The following NYAP2 variants were observed in gnomAD, a reference collection of about 807,000 sequenced individuals.
The protein encoded by NYAP2 is neuronal tyrosine-phosphorylated phosphoinositide-3-kinase adapter 2.
Under a neutral mutation model 50.4 loss-of-function variants are expected in NYAP2, and 23 were observed. That is an observed-to-expected ratio of 0.46 (90% CI 0.33 to 0.65). The LOEUF (loss-of-function observed/expected upper bound fraction) is 0.65, where lower values mean the gene tolerates loss of function less well. NYAP2 is among the 30% of genes least tolerant of loss of function. The pLI is 0.02. For missense variants in NYAP2, 885 were observed against 861.0 expected (o/e 1.03, Z -0.35); for synonymous variants, 394 against 365.2 (o/e 1.08, Z -0.90).
chr2:225,658,104 A>G (rs1693857466), downstream of NYAP2, among the ~76,000 whole-genome samples: 1 of 152,196 alleles, frequency 6.6e-6, no homozygotes, highest in African/African-American at 2.4e-5. Flanking sequence ...ATTACACCAC[A>G]TGATGGAAAT....
intron 5 of NYAP2, among the ~76,000 whole-genome samples, chr2:225,583,574 AG>A (rs1197687903): frequency 6.6e-6 from 1 of 152,120 alleles, no homozygotes; most frequent in Non-Finnish European, 1.5e-5. Flanking sequence ...TTTAAAAAAA[AG>A]TACAAAATCT....
At chr2:225,575,653 C>G (rs1692157586) in intron 4 of NYAP2, among the ~76,000 whole-genome samples, 1 of 152,172 alleles carries the variant, frequency 6.6e-6, no homozygotes, top group South Asian at 2.1e-4. Flanking sequence ...AGATTTATGA[C>G]TTAGTGGCTT....
chr2:225,538,393 C>G (rs1691388629), intron 4 of NYAP2, among the ~76,000 whole-genome samples: 1 of 152,200 alleles, frequency 6.6e-6, no homozygotes, highest in Non-Finnish European at 1.5e-5. Context: ...TCCCAAACCC[C>G]AATTCTTGAC....
chr2:225,428,051 G>T (rs1277223948), intron 3 of NYAP2, among the ~76,000 whole-genome samples: 1 of 152,088 alleles, frequency 6.6e-6, no homozygotes, highest in Non-Finnish European at 1.5e-5. Flanking sequence ...GGATTTGGAG[G>T]ATCTGATGGG....
intron 3 of NYAP2, among the ~76,000 whole-genome samples, chr2:225,425,862 A>G (rs1187238441): frequency 1.3e-5 from 2 of 152,180 alleles, no homozygotes; most frequent in African/African-American, 2.4e-5. Context: ...TTGGACATAC[A>G]TGTCATATAA....
intron 3 of NYAP2, among the ~76,000 whole-genome samples, chr2:225,453,807 A>G (rs2106149292): frequency 6.8e-6 from 1 of 147,854 alleles, no homozygotes; most frequent in South Asian, 2.2e-4. Context: ...AGTTGGGTTT[A>G]TAGGTGCCCT....
the NYAP2 span, among the ~76,000 whole-genome samples, chr2:225,660,413 G>GA: frequency 6.7e-6 from 1 of 149,138 alleles, no homozygotes; most frequent in Non-Finnish European, 1.5e-5. Context: ...CTAGGGTCGG[G>GA]ACAGCAGGTA....
intron 3 of NYAP2, among the ~76,000 whole-genome samples, chr2:225,452,855 A>C (rs182361077): frequency 1.3e-5 from 2 of 152,296 alleles, no homozygotes; most frequent in East Asian, 1.9e-4. Context: ...TGGTTGGCTA[A>C]AATCTACTTG....
chr2:225,460,121 A>G (rs192712097), intron 3 of NYAP2, among the ~76,000 whole-genome samples: 1 of 152,304 alleles, frequency 6.6e-6, no homozygotes, highest in Non-Finnish European at 1.5e-5. Context: ...TAATCAATCA[A>G]TTAGTTAACC....
intron 5 of NYAP2, among the ~76,000 whole-genome samples, chr2:225,588,963 C>A (rs1222252660): frequency 6.6e-6 from 1 of 152,020 alleles, no homozygotes; most frequent in Non-Finnish European, 1.5e-5. Context: ...CACTTAAATT[C>A]TTATTTCTGT....
the NYAP2 span, among the ~76,000 whole-genome samples, chr2:225,697,723 G>T: frequency 6.6e-6 from 1 of 151,866 alleles, no homozygotes; most frequent in African/African-American, 2.4e-5. Flanking sequence ...AAGTGTAAAA[G>T]ATTTAATTTT....
chr2:225,535,495 G>A (rs116264719), intron 4 of NYAP2, among the ~76,000 whole-genome samples: 3,625 of 152,294 alleles, frequency 0.024, 60 homozygotes, highest in South Asian at 0.041. Flanking sequence ...AGTGTTGAGG[G>A]AACAGTTTGG....
intron 5 of NYAP2, among the ~76,000 whole-genome samples, chr2:225,617,789 A>G (rs891657403): frequency 1.2e-4 from 19 of 152,322 alleles, no homozygotes; most frequent in African/African-American, 4.3e-4. Context: ...CTTGCTATGC[A>G]TGGCCCATCT....
chr2:225,413,034 C>A (rs925421536), intron 3 of NYAP2, among the ~76,000 whole-genome samples: 2 of 152,114 alleles, frequency 1.3e-5, no homozygotes, highest in African/African-American at 4.8e-5. Context: ...TCAGCACATG[C>A]ACTAGGATTT....
intron 4 of NYAP2, among the ~76,000 whole-genome samples, chr2:225,558,265 A>G (rs550968341): frequency 5.9e-5 from 9 of 152,320 alleles, no homozygotes; most frequent in African/African-American, 2.2e-4. Context: ...GTGGCTGAAA[A>G]CAATACTTGT....
At chr2:225,645,527 T>C (rs1450585702) in intron 6 of NYAP2, among the ~76,000 whole-genome samples, 1 of 145,748 alleles carries the variant, frequency 6.9e-6, no homozygotes, top group Non-Finnish European at 1.5e-5. Context: ...CTCTTTCTCA[T>C]TTTTTTCTTA....
intron 3 of NYAP2, among the ~76,000 whole-genome samples, chr2:225,426,151 TAA>T (rs1175015453): frequency 2.5e-3 from 315 of 126,966 alleles, no homozygotes; most frequent in African/African-American, 8.7e-3. Context: ...TTTTTTTTTT[TAA>T]AAATTCTACT....
chr2:225,581,831 G>A (rs1023898816), intron 4 of NYAP2, 110 bp from the exon 5 acceptor site: 1 of 1,006,316 alleles, frequency 9.9e-7, no homozygotes. Context: ...TAAGAATGAA[G>A]CTGTCTACCC....
intron 5 of NYAP2, among the ~76,000 whole-genome samples, chr2:225,583,831 G>A (rs1285234303): frequency 6.6e-6 from 1 of 152,150 alleles, no homozygotes; most frequent in Non-Finnish European, 1.5e-5. Flanking sequence ...ACGAGGCCAG[G>A]CGATCAAGAC....
Sources: gnomAD v4.1 joint callset for allele counts (sites outside exome capture counted in the v4.1 genomes callset) on GRCh38, gnomAD v4.1.1 for gene constraint, MANE v1.5 for transcripts, NCBI Gene and HGNC (gene_info 2026-07-23, HGNC 2026-07-21) for gene names.